Variants in SPOCK1 observed in about 807,000 individuals in gnomAD.
The protein encoded by SPOCK1 is SPARC (osteonectin), cwcv and kazal like domains proteoglycan 1.
A neutral mutation model predicts 55.3 loss-of-function variants in SPOCK1; 23 were observed. The observed-to-expected ratio is 0.42, with a 90% confidence interval of 0.30 to 0.59. SPOCK1 has a LOEUF of 0.59. Ranked by LOEUF, SPOCK1 falls within the 20% of genes least tolerant of loss-of-function variation. The probability of loss-of-function intolerance (pLI) is 0.22; values close to 1 mark genes in which losing one functional copy is unlikely to be tolerated. For synonymous variants in SPOCK1, 226 were observed against 221.0 expected, an observed-to-expected ratio of 1.02 and a Z score of -0.20; for missense variants, 499 against 552.5, an observed-to-expected ratio of 0.90 and a Z score of 0.97.
At chr5:137,461,180 A>T (rs1753482526) in intron 2 of SPOCK1, among the ~76,000 whole-genome samples, 1 of 152,202 alleles carries the variant, frequency 6.6e-6, no homozygotes, top group East Asian at 1.9e-4. Context: ...AGTGCTCAAT[A>T]CATTTTTGTT....
intron 3 of SPOCK1, among the ~76,000 whole-genome samples, chr5:137,230,255 T>C (rs1477145773): frequency 2.6e-5 from 4 of 152,132 alleles, no homozygotes; most frequent in East Asian, 1.9e-4. Context: ...ACCAATAGCA[T>C]CCCTGCAGAA....
intron 6 of SPOCK1, among the ~76,000 whole-genome samples, chr5:137,032,971 G>T (rs550875633): frequency 6.6e-6 from 1 of 152,188 alleles, no homozygotes; most frequent in Non-Finnish European, 1.5e-5. Flanking sequence ...ACAAGAACTC[G>T]GCCCTCACAG....
At chr5:137,265,935 T>C (rs547829161) in intron 3 of SPOCK1, among the ~76,000 whole-genome samples, 6 of 152,330 alleles carry the variant, frequency 3.9e-5, no homozygotes, top group African/African-American at 1.4e-4. Context: ...TGCTTGTGCA[T>C]ACAGCGAAAG....
chr5:137,418,028 C>G (rs2149824396), intron 2 of SPOCK1, among the ~76,000 whole-genome samples: 1 of 152,190 alleles, frequency 6.6e-6, no homozygotes, highest in East Asian at 1.9e-4. Flanking sequence ...TTGTTCAATT[C>G]CCACCTATGA....
intron 3 of SPOCK1, among the ~76,000 whole-genome samples, chr5:137,245,617 C>T (rs1351993547): frequency 1.3e-5 from 2 of 152,026 alleles, no homozygotes; most frequent in African/African-American, 2.4e-5. Context: ...GGAGGGCTTC[C>T]GCTTTGCAAA....
chr5:137,090,088 G>A (rs1753026808), intron 5 of SPOCK1, among the ~76,000 whole-genome samples: 1 of 152,150 alleles, frequency 6.6e-6, no homozygotes, highest in Non-Finnish European at 1.5e-5. Flanking sequence ...CTTGGAGATG[G>A]CCCATCACTT....
intron 2 of SPOCK1, among the ~76,000 whole-genome samples, chr5:137,371,167 T>C (rs1466515944): frequency 2.0e-5 from 3 of 152,200 alleles, no homozygotes; most frequent in African/African-American, 7.2e-5. Context: ...CTTTTTGAGT[T>C]CTAAGGAGGC....
At chr5:137,453,405 C>A (rs1753296738) in intron 2 of SPOCK1, among the ~76,000 whole-genome samples, 1 of 152,174 alleles carries the variant, frequency 6.6e-6, no homozygotes. Context: ...AAAACACGAG[C>A]TTTATCTACC....
At chr5:137,277,781 T>A (rs566642270) in intron 2 of SPOCK1, among the ~76,000 whole-genome samples, 91 of 152,302 alleles carry the variant, frequency 6.0e-4, no homozygotes, top group African/African-American at 2.1e-3. Context: ...GGATTCCTGA[T>A]CCACCCCTAC....
chr5:137,056,464 G>A (rs546043525), intron 6 of SPOCK1, among the ~76,000 whole-genome samples: 1 of 152,154 alleles, frequency 6.6e-6, no homozygotes, highest in Admixed American at 6.5e-5. Flanking sequence ...GACTGGCCTG[G>A]CTTAGGATAT....
intron 2 of SPOCK1, among the ~76,000 whole-genome samples, chr5:137,346,235 G>A (rs547953702): frequency 6.6e-4 from 101 of 152,318 alleles, no homozygotes; most frequent in Non-Finnish European, 1.1e-3. Context: ...AGACCGGGAA[G>A]TTGCATTTCC....
chr5:137,212,081 G>T (rs1755628674), intron 3 of SPOCK1, among the ~76,000 whole-genome samples: 1 of 152,164 alleles, frequency 6.6e-6, no homozygotes, highest in African/African-American at 2.4e-5. Context: ...ACAGCCTGGG[G>T]CTTATGACTG....
In SPOCK1 at chr5:136,977,865, C is replaced by T. The variant is rs1750647595; in HGVS notation, c.*789G>A. ...GGACTTTAATACAAATTTCTTATTC[C>T]AGAAATTTTGTTCCAGGTCTGGACA... On this transcript the variant is annotated 3_prime_UTR_variant, in exon 11 of 11. Transcript: ENST00000394945. 2 of 398,810 alleles carry T rather than the reference C, an allele frequency of 5.0e-6. No individual in the cohort carries two copies. The highest frequency in any genetic ancestry group is 8.8e-5 in the Admixed American group (2 of 22,728). The allele number at this position is 398,810 out of a possible 1,614,324, so 24.7% of individuals were successfully genotyped here. A position where few individuals can be genotyped will look rare whatever the true frequency, so the allele number is the denominator to read the frequency against.
chr5:137,364,501 C>T (rs562643273), intron 2 of SPOCK1, among the ~76,000 whole-genome samples: 99 of 152,302 alleles, frequency 6.5e-4, no homozygotes, highest in Non-Finnish European at 1.2e-3. Flanking sequence ...GAACAAAGAG[C>T]TTTTTGCATG....
chr5:137,185,545 C>T (rs1248025692), intron 3 of SPOCK1, among the ~76,000 whole-genome samples: 2 of 152,214 alleles, frequency 1.3e-5, no homozygotes, highest in African/African-American at 2.4e-5. Flanking sequence ...ACTTGTATGA[C>T]TTTAATACCT....
At chr5:137,200,424 T>C (rs1232899569) in intron 3 of SPOCK1, among the ~76,000 whole-genome samples, 1 of 152,158 alleles carries the variant, frequency 6.6e-6, no homozygotes, top group Non-Finnish European at 1.5e-5. Context: ...CCTTACTTTT[T>C]CTCCTTGACA....
intron 9 of SPOCK1, among the ~76,000 whole-genome samples, chr5:136,983,004 AGTTTTG>A (rs1040599172): frequency 1.3e-5 from 2 of 152,084 alleles, no homozygotes; most frequent in African/African-American, 4.8e-5. Context: ...AATAGTTTTT[AGTTTTG>A]GTTTTCCTTA....
intron 5 of SPOCK1, among the ~76,000 whole-genome samples, chr5:137,106,173 G>T (rs1170550237): frequency 6.7e-6 from 1 of 148,382 alleles, no homozygotes; most frequent in Non-Finnish European, 1.5e-5. Context: ...CTCCTCCTCT[G>T]CTCCTTTCTG....
chr5:137,074,995 G>A (rs375145172), intron 5 of SPOCK1, among the ~76,000 whole-genome samples: 1 of 151,760 alleles, frequency 6.6e-6, no homozygotes, highest in East Asian at 1.9e-4. Flanking sequence ...GAGTCACCGC[G>A]CCCGACCTAA....
Sources: allele counts gnomAD v4.1 joint callset (sites outside exome capture counted in the v4.1 genomes callset), GRCh38; gene constraint gnomAD v4.1.1; transcripts MANE v1.5; gene names NCBI Gene and HGNC (gene_info 2026-07-23, HGNC 2026-07-21).